The following PGAP6 variants were observed in gnomAD, a reference collection of about 807,000 sequenced individuals.
PGAP6 encodes post-GPI attachment to proteins factor 6.
PGAP6 carries 62 observed loss-of-function variants against 68.4 expected under a neutral mutation model. That is an observed-to-expected ratio of 0.91 (90% CI 0.74 to 1.12). The LOEUF (loss-of-function observed/expected upper bound fraction) is 1.12. Among genes scored for constraint, PGAP6 ranks in the 50% most tolerant of loss-of-function variants. PGAP6 has a pLI of 0.00. For synonymous variants in PGAP6, 575 were observed against 474.0 expected (o/e 1.21, Z -2.77); for missense variants, 1,188 against 1,068.5 (o/e 1.11, Z -1.56).
Position 374,361 on chromosome 16 carries a change from G to A in PGAP6, c.1615C>T (p.Gln539Ter). 1 of 1,597,982 alleles carries A rather than the reference G, an allele frequency of 6.3e-7. No homozygotes were observed. The highest frequency in any genetic ancestry group is 8.5e-7 in the Non-Finnish European group (1 of 1,177,210). Residue 539 changes from glutamine (Q) to a stop codon, truncating the protein, a stop_gained, in exon 10 of 13, where the codon CAG becomes TAG. Transcript: ENST00000431232. LOFTEE classifies it high-confidence loss of function. ...GWSCTDNSTA[Q>*]TVAQQRAATL... ...GCCGCCCTCTGCTGGGCCACCGTCT[G>A]GGCTGTGCTGTTGTCCGTGCAGCTC...
At chr16:384,584 G>A (rs1418445674), upstream of PGAP6, among the ~76,000 whole-genome samples, 7 of 152,314 alleles carry the variant, frequency 4.6e-5, no homozygotes, top group East Asian at 1.3e-3. Context: ...GGCCGGGCGC[G>A]GTGTCTCACG....
At chr16:375,566 T>C (rs1371198293) in intron 6 of PGAP6, 131 bp from the exon 7 acceptor site, 60 of 746,892 alleles carry the variant, frequency 8.0e-5, no homozygotes, top group Non-Finnish European at 8.1e-5. Context: ...GGAGTCTTGC[T>C]CTGTCGCCCA....
Position 371,276 on chromosome 16 carries a change from T to TG in PGAP6, c.*710dup, listed in dbSNP as rs914734473. 27 of 152,102 alleles carry TG rather than the reference T, an allele frequency of 1.8e-4. No individual in the cohort carries two copies. The highest frequency in any genetic ancestry group is 6.3e-4 in the African/African-American group (26 of 41,370). The allele number at this position is 152,102 out of a possible 1,614,324, so 9.4% of individuals were successfully genotyped here. A position where few individuals can be genotyped will look rare whatever the true frequency, so the allele number is the denominator to read the frequency against. On this transcript the variant is annotated 3_prime_UTR_variant, in exon 13 of 13. Transcript: ENST00000431232. The stretch of plus-strand genomic sequence containing the variant: ...CTCCCAGAGGGGGGCCCAGGAACGC[T>TG]GGGGTGGGTGGACAGGGCTGGGTAG...
At chr16:381,979 T>TC (rs1254045038), upstream of PGAP6, 3 of 950,418 alleles carry the variant, frequency 3.2e-6, no homozygotes, top group Non-Finnish European at 3.8e-6. Context: ...CCCGGGCACT[T>TC]CCGCCCGCAG....
upstream of PGAP6, among the ~76,000 whole-genome samples, chr16:385,903 C>T (rs1438122549): frequency 6.6e-6 from 1 of 152,116 alleles, no homozygotes; most frequent in Non-Finnish European, 1.5e-5. Context: ...GGATTACAGG[C>T]GTGAGCCACC....
rs774605901 is a variant in PGAP6 at position 372,265 on chromosome 16, G to A, written c.2038C>T (p.Arg680Trp). The change falls in exon 13 of 13, where the codon CGG becomes TGG. Residue 680 changes from arginine (R) to tryptophan (W), a missense_variant. Transcript: ENST00000431232. ...CACGAGGTGGGGTAGCACTGGCGCC[G>A]GTGCCCGCAGCGGTAAGCCTGGAGA... ...ASMWAYRCGH[R>W]RQCYPTSWQR... 1.7e-5 allele frequency: 28 copies of A among 1,610,162 alleles called. No individual in the cohort carries two copies. Among genetic ancestry groups the A allele is most frequent in the Admixed American group, 8.3e-5 (5 of 59,932 alleles).
At chr16:373,095 T>C (rs2054349260) in intron 11 of PGAP6, among the ~76,000 whole-genome samples, 1 of 152,136 alleles carries the variant, frequency 6.6e-6, no homozygotes, top group African/African-American at 2.4e-5. Context: ...CACTGTTCCA[T>C]GGGGAGGGGC....
chr16:386,124 C>G (rs1007740060), upstream of PGAP6, among the ~76,000 whole-genome samples: 1 of 151,988 alleles, frequency 6.6e-6, no homozygotes, highest in Non-Finnish European at 1.5e-5. Flanking sequence ...GCAGCCTGGC[C>G]GGAGGGGAGG....
Position 376,701 on chromosome 16 carries a change from A to T in PGAP6, c.747T>A (p.Pro249=). 6.2e-7 allele frequency: 1 copy of T among 1,611,678 alleles called. No individual in the cohort carries two copies. Among genetic ancestry groups the T allele is most frequent in the Non-Finnish European group, 8.5e-7 (1 of 1,179,756 alleles). The change falls in exon 5 of 13, where the codon CCT becomes CCA. Residue 249 remains proline (P), a synonymous_variant. Coordinates refer to ENST00000431232, the MANE Select transcript of PGAP6 (RefSeq NM_021259.3). ...VRLTVGPVTL[P]SNFQKVLTCT... is the part of the protein sequence containing the mutation. ...AGGTGAGCACCTTCTGGAAGTTGCTAGGCAGGGTGACCGGGCCCACGGTGA... is the reference window on the plus strand; with the variant it reads ...AGGTGAGCACCTTCTGGAAGTTGCTTGGCAGGGTGACCGGGCCCACGGTGA...
Position 376,777 on chromosome 16 carries a change from A to G in PGAP6, c.671T>C (p.Leu224Pro). 1 of 1,610,134 alleles carries G rather than the reference A, an allele frequency of 6.2e-7. No individual in the cohort carries two copies. Among genetic ancestry groups the G allele is most frequent in the Non-Finnish European group, 8.5e-7 (1 of 1,179,846 alleles). ...ATTGGACACGCAGTCCCGCAGCTCCAGCAGAAGCTCCCGCGTGTAATCGGG... is the reference window on the plus strand; with the variant it reads ...ATTGGACACGCAGTCCCGCAGCTCCGGCAGAAGCTCCCGCGTGTAATCGGG... ...FVPDYTRELL[L>P]ELRDCVSNGS... Residue 224 changes from leucine (L) to proline (P), a missense_variant, in exon 5 of 13, where the codon CTG becomes CCG. Leu to Pro is a moderately conservative substitution (Grantham distance 98). Coordinates refer to ENST00000431232, the MANE Select transcript of PGAP6 (RefSeq NM_021259.3).
upstream of PGAP6, chr16:386,785 A>G: frequency 3.4e-6 from 2 of 586,506 alleles, no homozygotes; most frequent in Non-Finnish European, 6.4e-6. Flanking sequence ...GCAAAGAAGG[A>G]AGCTCCTGCC....
upstream of PGAP6, chr16:386,808 G>A (rs369322): frequency 0.037 from 22,934 of 618,812 alleles, 1,379 homozygotes; most frequent in African/African-American, 0.21. Context: ...TCCTGAAGCC[G>A]AAGCCAAAGC....
In PGAP6 at chr16:374,102, C is replaced by T; in HGVS notation, c.1805G>A (p.Ser602Asn). Reference sequence around the variant, plus strand: ...GTCGCAGTACTGCAGCGTGTCGTAGCTGAGGATGCACAGCACCGCCTCCCC... The same window carrying T: ...GTCGCAGTACTGCAGCGTGTCGTAGTTGAGGATGCACAGCACCGCCTCCCC... ...QPGEAVLCIL[S>N]YDTLQYCDFL... The change falls in exon 11 of 13, where the codon AGC (serine) becomes AAC (asparagine). Residue 602 changes from serine to asparagine, a missense_variant. Physicochemically the swap from Ser to Asn is conservative, Grantham distance 46 (BLOSUM62 1). Coordinates refer to ENST00000431232, the MANE Select transcript of PGAP6 (RefSeq NM_021259.3). 2 of 1,611,866 alleles carry T rather than the reference C, an allele frequency of 1.2e-6. No homozygotes were observed. The highest frequency in any genetic ancestry group is 1.7e-6 in the Non-Finnish European group (2 of 1,179,962).
rs369073266 is a variant in PGAP6 at position 377,059 on chromosome 16, G to A, written c.613C>T (p.Leu205Phe). The change falls in exon 4 of 13, where the codon CTC becomes TTC. Residue 205 changes from leucine to phenylalanine, a missense_variant. Leu to Phe is a conservative substitution (Grantham distance 22, BLOSUM62 0). Coordinates refer to ENST00000431232, the MANE Select transcript of PGAP6 (RefSeq NM_021259.3). ...EPDVPLPQTL[L>F]SHPSYLKVFV... ...CACTTGAGGTAGCTGGGATGGGAGA[G>A]GAGGGTCTGAGGAAGGGGCACGTCC... The A allele has an allele frequency of 7.4e-6, 12 of 1,613,288 alleles. No individual in the cohort carries two copies. Among genetic ancestry groups the A allele is most frequent in the East Asian group, 2.2e-5 (1 of 44,882 alleles).
chr16:377,277 C>T (rs1173461629), intron 3 of PGAP6, 101 bp downstream of exon 3: 15 of 1,579,968 alleles, frequency 9.5e-6, no homozygotes, highest in South Asian at 8.0e-5. Flanking sequence ...CAGAGTGCAG[C>T]GTGGAGCCTA....
rs760867810 is a variant in PGAP6 at position 374,067 on chromosome 16, A to G, written c.1840T>C (p.Ser614Pro). The G allele has an allele frequency of 6.2e-7, 1 of 1,612,050 alleles. No individual in the cohort carries two copies. The highest frequency in any genetic ancestry group is 1.1e-5 in the South Asian group (1 of 91,084). Reference protein sequence around the residue: ...DTLQYCDFLGSGAAIWVTILC... With the variant: ...DTLQYCDFLGPGAAIWVTILC... ...ATGGTGACCCAGATGGCCGCCCCGGAGCCCAAGAAGTCGCAGTACTGCAGC... is the reference window on the plus strand; with the variant it reads ...ATGGTGACCCAGATGGCCGCCCCGGGGCCCAAGAAGTCGCAGTACTGCAGC... The change falls in exon 11 of 13, where the codon TCC becomes CCC. Residue 614 changes from serine to proline, a missense_variant. Transcript: ENST00000431232.
Position 374,367 on chromosome 16 carries a change from T to C in PGAP6, c.1609A>G (p.Thr537Ala). 6.3e-7 allele frequency: 1 copy of C among 1,594,450 alleles called. No individual in the cohort carries two copies. The highest frequency in any genetic ancestry group is 2.2e-5 in the East Asian group (1 of 44,678). The change falls in exon 10 of 13, where the codon ACA becomes GCA. Residue 537 changes from threonine to alanine, a missense_variant. Coordinates refer to ENST00000431232, the MANE Select transcript of PGAP6 (RefSeq NM_021259.3). Reference sequence around the variant, plus strand: ...CTCTGCTGGGCCACCGTCTGGGCTGTGCTGTTGTCCGTGCAGCTCCACCCA... The same window carrying C: ...CTCTGCTGGGCCACCGTCTGGGCTGCGCTGTTGTCCGTGCAGCTCCACCCA... ...WRGWSCTDNSTAQTVAQQRAA... is the reference protein window; with the variant it reads ...WRGWSCTDNSAAQTVAQQRAA...
At chr16:373,338 C>T (rs551229918) in intron 11 of PGAP6, among the ~76,000 whole-genome samples, 1 of 152,330 alleles carries the variant, frequency 6.6e-6, no homozygotes, top group African/African-American at 2.4e-5. Flanking sequence ...CATGAGTCTC[C>T]CCTTGCCAGG....
upstream of PGAP6, among the ~76,000 whole-genome samples, chr16:385,553 C>T (rs1312930427): frequency 2.2e-4 from 31 of 141,800 alleles, 2 homozygotes; most frequent in South Asian, 7.3e-4. Context: ...CCTCATGATC[C>T]GCCCGCCTCG....
Sources: allele counts gnomAD v4.1 joint callset (sites outside exome capture counted in the v4.1 genomes callset), GRCh38; gene constraint gnomAD v4.1.1; transcripts MANE v1.5; gene names NCBI Gene and HGNC (gene_info 2026-07-23, HGNC 2026-07-21).